The following BACH2 variants were observed in gnomAD, a reference collection of about 807,000 sequenced individuals.
The protein encoded by BACH2 is transcription regulator protein BACH2.
In BACH2, 5 loss-of-function variants were observed where a neutral mutation model predicts 61.8. The observed-to-expected ratio is 0.08, with a 90% confidence interval of 0.04 to 0.17. BACH2 has a LOEUF of 0.17. Among genes scored for constraint, BACH2 ranks in the 10% least tolerant of loss-of-function variants. BACH2 has a pLI of 1.00. For synonymous variants in BACH2, 446 were observed against 440.1 expected, an observed-to-expected ratio of 1.01 and a Z score of -0.17; for missense variants, 824 against 1,091.1, an observed-to-expected ratio of 0.76 and a Z score of 3.45.
intron 4 of BACH2, among the ~76,000 whole-genome samples, chr6:90,130,436 T>C (rs1784040508): frequency 6.6e-6 from 1 of 152,236 alleles, no homozygotes; most frequent in Admixed American, 6.5e-5. Context: ...CACTGTAACA[T>C]ATGTACCACA....
intron 5 of BACH2, among the ~76,000 whole-genome samples, chr6:90,026,699 C>A (rs1246042671): frequency 6.6e-6 from 1 of 152,114 alleles, no homozygotes; most frequent in Non-Finnish European, 1.5e-5. Context: ...TGCCCCAGCT[C>A]CTAAGAGGGC....
chr6:90,199,626 T>G (rs1181663506), intron 4 of BACH2, among the ~76,000 whole-genome samples: 1 of 152,188 alleles, frequency 6.6e-6, no homozygotes, highest in Admixed American at 6.5e-5. Flanking sequence ...AATTTCCCAG[T>G]ACAAGGCAGG....
intron 3 of BACH2, among the ~76,000 whole-genome samples, chr6:90,237,490 T>A (rs773315172): frequency 6.6e-5 from 10 of 152,206 alleles, no homozygotes; most frequent in Admixed American, 5.9e-4. Flanking sequence ...AACCAGAGAA[T>A]TCCATGAACC....
intron 4 of BACH2, among the ~76,000 whole-genome samples, chr6:90,181,711 A>T (rs1467633908): frequency 6.6e-6 from 1 of 152,148 alleles, no homozygotes; most frequent in African/African-American, 2.4e-5. Context: ...CCTCTTGAGT[A>T]GCTGGGACCA....
chr6:90,270,409 T>C (rs1771481108), intron 2 of BACH2, among the ~76,000 whole-genome samples: 1 of 152,118 alleles, frequency 6.6e-6, no homozygotes. Flanking sequence ...CACAAATCAG[T>C]AGCACTGCTA....
chr6:90,118,906 C>T (rs1783510410), intron 4 of BACH2, among the ~76,000 whole-genome samples: 1 of 152,136 alleles, frequency 6.6e-6, no homozygotes, highest in Non-Finnish European at 1.5e-5. Flanking sequence ...ATGTTCCTGA[C>T]CTCCTTTAAA....
At chr6:90,122,888 C>T (rs542295414) in intron 4 of BACH2, among the ~76,000 whole-genome samples, 1 of 152,190 alleles carries the variant, frequency 6.6e-6, no homozygotes, top group South Asian at 2.1e-4. Context: ...CCTATAGTTA[C>T]ACATAAAAAA....
At chr6:89,998,689 T>A (rs540379573) in intron 6 of BACH2, among the ~76,000 whole-genome samples, 2 of 151,674 alleles carry the variant, frequency 1.3e-5, no homozygotes, top group Non-Finnish European at 2.9e-5. Flanking sequence ...CTTTCTTTTT[T>A]CCCTTTTTTT....
At position 90,008,803 on chromosome 6, in the gene BACH2, A is replaced by G. The variant is rs773648580; in HGVS notation, c.42T>C (p.Tyr14=). ...TGTTGGTGCAGTGGACTGTGGACTCATACACATACATGGGGGAGTCAGGCT... is the reference window on the plus strand; with the variant it reads ...TGTTGGTGCAGTGGACTGTGGACTCGTACACATACATGGGGGAGTCAGGCT... ...DEKPDSPMYV[Y]ESTVHCTNIL... The change falls in exon 6 of 9, where the codon TAT becomes TAC. Residue 14 remains tyrosine (Y), a synonymous_variant. Coordinates refer to ENST00000257749, the MANE Select transcript of BACH2 (RefSeq NM_021813.4). The surrounding 1 kb of genome is among the most constrained non-coding windows in gnomAD (Gnocchi z 4.1). 3 of 1,614,052 alleles carry G rather than the reference A, an allele frequency of 1.9e-6. No homozygotes were observed. Among genetic ancestry groups the G allele is most frequent in the Non-Finnish European group, 2.5e-6 (3 of 1,180,020 alleles).
chr6:90,238,725 A>G (rs1251427568), intron 3 of BACH2, among the ~76,000 whole-genome samples: 1 of 152,216 alleles, frequency 6.6e-6, no homozygotes, highest in African/African-American at 2.4e-5. Flanking sequence ...CTAACTGAAC[A>G]GCAACTCTGG....
At chr6:90,123,847 TGA>T in intron 4 of BACH2, among the ~76,000 whole-genome samples, 1 of 150,500 alleles carries the variant, frequency 6.6e-6, no homozygotes, top group African/African-American at 2.4e-5. Context: ...AAATCTTATG[TGA>T]GAACACCAAA....
At chr6:90,092,291 A>AAAAAAAAAAAATATATATATAT in intron 4 of BACH2, among the ~76,000 whole-genome samples, 2 of 113,826 alleles carry the variant, frequency 1.8e-5, no homozygotes, top group East Asian at 4.8e-4. Flanking sequence ...AAAAAAAAAA[A>AAAAAAAAAAAATATATATATAT]ATATATATAT....
intron 5 of BACH2, among the ~76,000 whole-genome samples, chr6:90,021,617 A>G (rs1243429270): frequency 6.6e-6 from 1 of 152,210 alleles, no homozygotes; most frequent in Non-Finnish European, 1.5e-5. Flanking sequence ...TTTACTGTAA[A>G]ACTGTAAGGG....
intron 6 of BACH2, chr6:89,952,140 ACTAATGAAATAT>A: frequency 2.2e-6 from 1 of 451,596 alleles, no homozygotes; most frequent in Non-Finnish European, 4.0e-6. Flanking sequence ...CAGTGTTTAC[ACTAATGAAATAT>A]CCTGGCAAAA....
chr6:90,008,153 A>T lies in BACH2; in HGVS notation c.243+449T>A, dbSNP rs2127780488. ...CACTTCTTAGAATCTTACTGAATTA[A>T]TGGTGAAAATTACTAGTTGCTTTTA... On this transcript the variant is annotated intron_variant, in intron 6 of 8. Coordinates refer to ENST00000257749, the MANE Select transcript of BACH2 (RefSeq NM_021813.4). The surrounding 1 kb of genome is among the most constrained non-coding windows in gnomAD (Gnocchi z 4.1). 5.7e-6 allele frequency: 1 copy of T among 174,420 alleles called. No homozygotes were observed. Among genetic ancestry groups the T allele is most frequent in the East Asian group, 1.5e-4 (1 of 6,614 alleles). 10.8% of individuals were successfully genotyped at this position (174,420 alleles called of 1,614,324 possible).
intron 4 of BACH2, among the ~76,000 whole-genome samples, chr6:90,159,016 T>C (rs1449104297): frequency 6.6e-6 from 1 of 152,224 alleles, no homozygotes; most frequent in Non-Finnish European, 1.5e-5. Flanking sequence ...TTAATTTCCA[T>C]GGTGACTAAT....
chr6:90,271,112 C>G (rs1771505082), intron 2 of BACH2, among the ~76,000 whole-genome samples: 1 of 151,908 alleles, frequency 6.6e-6, no homozygotes, highest in African/African-American at 2.4e-5. Flanking sequence ...AGACCTGAAA[C>G]CATAAAAACT....
chr6:90,117,366 T>C (rs1222523417), intron 4 of BACH2, among the ~76,000 whole-genome samples: 1 of 152,144 alleles, frequency 6.6e-6, no homozygotes, highest in African/African-American at 2.4e-5. Flanking sequence ...TCCCTCTCTC[T>C]GGCTAACGCA....
chr6:90,252,713 T>C (rs1770850967), intron 2 of BACH2, 123 bp from the exon 3 acceptor site: 1 of 152,194 alleles, frequency 6.6e-6, no homozygotes, highest in African/African-American at 2.4e-5. Flanking sequence ...ACACCAGGGA[T>C]GCCAGAAACA....
Sources: gnomAD v4.1 joint callset for allele counts (sites outside exome capture counted in the v4.1 genomes callset) on GRCh38, gnomAD v4.1.1 for gene constraint, Gnocchi (gnomAD v3.1) non-coding constraint, MANE v1.5 for transcripts, NCBI Gene and HGNC (gene_info 2026-07-23, HGNC 2026-07-21) for gene names.